The following SEMA4D variants were observed in gnomAD, a reference collection of about 807,000 sequenced individuals.
SEMA4D encodes the protein semaphorin 4D, also known as semaphorin-4D.
In SEMA4D, 22 loss-of-function variants were observed where a neutral mutation model predicts 74.8. The ratio of observed to expected loss-of-function variants is 0.29; its 90% CI spans 0.21 to 0.42. The LOEUF (loss-of-function observed/expected upper bound fraction) is 0.42. Among genes scored for constraint, SEMA4D ranks in the 10% least tolerant of loss-of-function variants. The probability of loss-of-function intolerance (pLI) is 1.00; values close to 1 mark genes in which losing one functional copy is unlikely to be tolerated. For synonymous variants in SEMA4D, 445 were observed against 463.7 expected (o/e 0.96, Z 0.52); for missense variants, 937 against 1,118.4 (o/e 0.84, Z 2.31).
chr9:89,488,664 C>T (rs1012678563), intron 1 of SEMA4D, among the ~76,000 whole-genome samples: 6 of 152,140 alleles, frequency 3.9e-5, no homozygotes, highest in South Asian at 2.1e-4. Flanking sequence ...TGAGCCACCA[C>T]GCCCAACCAA....
chr9:89,418,471 T>C, intron 2 of SEMA4D: 5 of 956,174 alleles, frequency 5.2e-6, no homozygotes, highest in Non-Finnish European at 6.2e-6. Context: ...TAATTGTCTA[T>C]TAGCTCCAGA....
intron 16 of SEMA4D, among the ~76,000 whole-genome samples, chr9:89,370,788 GTA>G (rs1220671176): frequency 2.1e-5 from 3 of 145,002 alleles, no homozygotes; most frequent in Admixed American, 1.4e-4. Context: ...GGGGTGGGGT[GTA>G]TGTGTGGGGT....
At position 89,384,817 on chromosome 9, in the gene SEMA4D, A is replaced by G. The variant is rs1838058118; in HGVS notation, c.1446+1550T>C. The stretch of plus-strand genomic sequence containing the variant: ...AGAGCCTGATGGGGTCAGGCGGCAC[A>G]GTCTTTTTACCACTGAACAGCCACT... On this transcript the variant is annotated intron_variant, in intron 13 of 15. Transcript: ENST00000422704. 13 of 985,364 alleles carry G rather than the reference A, an allele frequency of 1.3e-5. 1 individual carries two copies. In the South Asian group the frequency reaches 4.2e-4, roughly 32 times the overall value. The allele number at this position is 985,364 out of a possible 1,614,324, so 61.0% of individuals were successfully genotyped here.
exon 19 of SEMA4D, chr9:89,362,332 G>A: frequency 1.2e-6 from 2 of 1,613,754 alleles, no homozygotes; most frequent in South Asian, 2.2e-5. Context: ...CTTCTCCGGG[G>A]GTGGCTGTGG....
intron 1 of SEMA4D, among the ~76,000 whole-genome samples, chr9:89,476,189 G>A (rs776194738): frequency 6.6e-6 from 1 of 152,198 alleles, no homozygotes; most frequent in Non-Finnish European, 1.5e-5. Flanking sequence ...AGCCCTGCCT[G>A]CTCTGGGGCA....
At chr9:89,450,664 A>AAAAAAAAAAAAAAAAAAAAC (rs1564833395) in intron 2 of SEMA4D, 1 of 99,278 alleles carries the variant, frequency 1.0e-5, no homozygotes, top group African/African-American at 2.6e-4. Context: ...ACCCAGGAAA[A>AAAAAAAAAAAAAAAAAAAAC]AAAAAAAAAA....
At chr9:89,385,220 G>A (rs1838181624) in intron 13 of SEMA4D, 1 of 966,746 alleles carries the variant, frequency 1.0e-6, no homozygotes, top group Non-Finnish European at 1.2e-6. Context: ...TGCCCTGGAA[G>A]CCTCCACCAG....
At chr9:89,402,794 C>T in intron 4 of SEMA4D, 77 bp downstream of exon 4, 1 of 1,507,076 alleles carries the variant, frequency 6.6e-7, no homozygotes, top group South Asian at 1.2e-5. Context: ...AGTCAGCCCC[C>T]AGCCCCACAG....
At chr9:89,491,663 G>A (rs1211537238) in intron 1 of SEMA4D, among the ~76,000 whole-genome samples, 2 of 152,166 alleles carry the variant, frequency 1.3e-5, no homozygotes, top group Non-Finnish European at 2.9e-5. Context: ...TCCCAGGGGT[G>A]CAATGCCGCT....
chr9:89,382,082 C>T (rs1024534606), intron 13 of SEMA4D, among the ~76,000 whole-genome samples: 1 of 152,228 alleles, frequency 6.6e-6, no homozygotes, highest in Non-Finnish European at 1.5e-5. Flanking sequence ...ACTTGGTTCC[C>T]AGTGACACCA....
intron 1 of SEMA4D, among the ~76,000 whole-genome samples, chr9:89,468,051 C>G (rs950862742): frequency 9.9e-5 from 15 of 152,098 alleles, no homozygotes; most frequent in Admixed American, 9.8e-4. Flanking sequence ...GAGAAGACAC[C>G]GAAAGACTAG....
chr9:89,496,024 C>T (rs951725103), intron 1 of SEMA4D, among the ~76,000 whole-genome samples: 2 of 152,188 alleles, frequency 1.3e-5, no homozygotes, highest in East Asian at 3.8e-4. Flanking sequence ...GTGGGGAAAG[C>T]GGCTCTAGGT....
intron 1 of SEMA4D, among the ~76,000 whole-genome samples, chr9:89,461,446 C>T (rs910373149): frequency 6.6e-5 from 10 of 152,134 alleles, no homozygotes; most frequent in African/African-American, 1.4e-4. Context: ...TGTATGTTTG[C>T]GTCTTTCACA....
chr9:89,415,741 A>G (rs549873577), intron 2 of SEMA4D, among the ~76,000 whole-genome samples: 1 of 152,272 alleles, frequency 6.6e-6, no homozygotes, highest in Non-Finnish European at 1.5e-5. Context: ...CCAGTCTATG[A>G]CATTTTGTTT....
chr9:89,484,777 T>TGTGTG lies in SEMA4D; in HGVS notation c.-310+13137_-310+13141dup, dbSNP rs950929173. Among the ~76,000 whole-genome samples, 1 of 149,798 alleles carries TGTGTG rather than the reference T, an allele frequency of 6.7e-6. No homozygotes were observed. The highest frequency in any genetic ancestry group is 2.5e-5 in the African/African-American group (1 of 40,562). The stretch of plus-strand genomic sequence containing the variant: ...TGTGTGAAGTGTGTGGTATGGGGAA[T>TGTGTG]GTGTGGTGTGGTGTGTGGATGTATT... On this transcript the variant is annotated intron_variant, in intron 1 of 15. Coordinates refer to ENST00000422704, the MANE Select transcript of SEMA4D (RefSeq NM_001371194.2). The surrounding 1 kb of genome is among the most constrained non-coding windows in gnomAD (Gnocchi z 4.1).
intron 1 of SEMA4D, among the ~76,000 whole-genome samples, chr9:89,465,068 A>G (rs961525550): frequency 6.6e-6 from 1 of 152,182 alleles, no homozygotes; most frequent in Admixed American, 6.5e-5. Flanking sequence ...GTCAGGGGCA[A>G]AGAGGACCAG....
intron 13 of SEMA4D, chr9:89,385,181 C>G (rs1838171837): frequency 2.2e-6 from 2 of 909,416 alleles, no homozygotes; most frequent in East Asian, 1.2e-4. Context: ...CTTCCTACCC[C>G]CTTCTGCCTT....
intron 16 of SEMA4D, chr9:89,364,259 G>C: frequency 2.2e-6 from 1 of 450,918 alleles, no homozygotes. Context: ...TTACAGAATG[G>C]TTCTGGGCCT....
intron 2 of SEMA4D, among the ~76,000 whole-genome samples, chr9:89,432,106 G>A (rs1413619410): frequency 6.6e-6 from 1 of 151,988 alleles, no homozygotes; most frequent in East Asian, 1.9e-4. Flanking sequence ...CACCCTCTGG[G>A]CCCACCCTTA....
Sources: allele counts gnomAD v4.1 joint callset (sites outside exome capture counted in the v4.1 genomes callset), GRCh38; gene constraint gnomAD v4.1.1; non-coding constraint Gnocchi (gnomAD v3.1); transcripts MANE v1.5; gene names NCBI Gene and HGNC (gene_info 2026-07-23, HGNC 2026-07-21).